Variants in PDE4A observed in about 807,000 individuals in gnomAD.
PDE4A encodes the protein phosphodiesterase 4A.
Under a neutral mutation model 73.9 loss-of-function variants are expected in PDE4A, and 21 were observed. The observed-to-expected ratio is 0.28, with a 90% CI of 0.20 to 0.41. The LOEUF (loss-of-function observed/expected upper bound fraction) is 0.41, where lower values mean the gene tolerates loss of function less well. PDE4A is among the 10% of genes least tolerant of loss of function. The pLI, the probability that PDE4A is intolerant of heterozygous loss-of-function variation, is 1.00. For missense variants in PDE4A, 958 were observed against 1,211.4 expected (o/e 0.79, Z 3.10); for synonymous variants, 463 against 505.4 (o/e 0.92, Z 1.13).
intron 1 of PDE4A, among the ~76,000 whole-genome samples, chr19:10,444,887 G>A (rs562552636): frequency 4.6e-5 from 7 of 152,080 alleles, no homozygotes; most frequent in Non-Finnish European, 8.8e-5. Context: ...TGGCCAGGCT[G>A]GTAGAGAACT....
intron 11 of PDE4A, 123 bp from the exon 12 acceptor site, chr19:10,461,403 G>A: frequency 1.3e-6 from 2 of 1,524,494 alleles, no homozygotes; most frequent in Non-Finnish European, 1.7e-6. Context: ...GGGTAGAGCT[G>A]ACTGGGCTGG....
chr19:10,435,719 T>C (rs1250972342), intron 1 of PDE4A, among the ~76,000 whole-genome samples: 1 of 152,176 alleles, frequency 6.6e-6, no homozygotes, highest in Non-Finnish European at 1.5e-5. Flanking sequence ...TGTGTCTGGG[T>C]TGCAACCTTG....
At chr19:10,465,467 AC>A (rs2043350698) in intron 14 of PDE4A, among the ~76,000 whole-genome samples, 1 of 149,838 alleles carries the variant, frequency 6.7e-6, no homozygotes, top group Non-Finnish European at 1.5e-5. Context: ...TGATCCGCCC[AC>A]CTCGGCCTCC....
Position 10,459,801 on chromosome 19 carries a change from G to C in PDE4A, c.1365+42G>C, listed in dbSNP as rs111366650. The C allele has an allele frequency of 6.1e-3, 9,535 of 1,563,428 alleles. 501 individuals carry two copies. The African/African-American group carries it at 0.12, about 19-fold the overall frequency. On this transcript the variant is annotated intron_variant, in intron 10 of 14. Coordinates refer to ENST00000380702, the MANE Select transcript of PDE4A (RefSeq NM_001111307.2). Reference sequence around the variant, plus strand: ...TGAGTGACCGTCCCCATCTCTCTTTGTGACTGCCTCTTCAGCCTCCTGTGT... The same window carrying C: ...TGAGTGACCGTCCCCATCTCTCTTTCTGACTGCCTCTTCAGCCTCCTGTGT...
intron 10 of PDE4A, 188 bp from the exon 11 acceptor site, chr19:10,460,816 A>T: frequency 4.5e-5 from 8 of 179,768 alleles, no homozygotes; most frequent in Non-Finnish European, 8.4e-5. Context: ...AAAAAAAAAA[A>T]GAAAGAAAAT....
rs571662261 is a variant in PDE4A at position 10,426,415 on chromosome 19, T to C, written c.320+5331T>C. ...TAAAACAATGAGATTCTTTTTTTTT[T>C]CCCTCTCATTAGCTATTGTTAGTGT... On this transcript the variant is annotated intron_variant, in intron 1 of 14. Transcript: ENST00000380702. Among the ~76,000 whole-genome samples, 104 of 151,464 alleles carry C rather than the reference T, an allele frequency of 6.9e-4. No individual in the cohort carries two copies. The Middle Eastern group carries it at 0.01, about 15-fold the overall frequency.
At chr19:10,459,549 G>C (rs200613062) in intron 9 of PDE4A, 46 bp from the exon 10 acceptor site, 1 of 1,611,022 alleles carries the variant, frequency 6.2e-7, no homozygotes, top group Non-Finnish European at 8.5e-7. Context: ...ATAGCGGGGC[G>C]CTGGAGGCCG....
chr19:10,417,163 C>A (rs528006763), upstream of PDE4A: 3 of 981,728 alleles, frequency 3.1e-6, no homozygotes, highest in African/African-American at 5.2e-5. Context: ...TCTCCTGCTG[C>A]CCTAAGAGGC....
chr19:10,446,218 C>T lies in PDE4A; in HGVS notation c.321C>T (p.Arg107=). The change falls in exon 2 of 15, where the codon CGC becomes CGT. Residue 107 remains arginine, a splice_region_variant and synonymous_variant. Coordinates refer to ENST00000380702, the MANE Select transcript of PDE4A (RefSeq NM_001111307.2). ...SGGAGGGSSR[R]FEAENGPTPS... ...CCCTCTTCTCGCCCATCCCCTGCAG[C>T]TTCGAGGCAGAGAATGGGCCGACAC... 6.4e-7 allele frequency: 1 copy of T among 1,563,358 alleles called. No homozygotes were observed. The highest frequency in any genetic ancestry group is 8.7e-7 in the Non-Finnish European group (1 of 1,153,914).
In PDE4A at chr19:10,447,224, T is replaced by C. The variant is rs1396153393; in HGVS notation, c.512+815T>C. ...CTCAGTTCCTTTTTTTCTCTTTTTT[T>C]TTTTTTTTTTTTTTTTTTTGAGACA... On this transcript the variant is annotated intron_variant, in intron 2 of 14. Transcript: ENST00000380702. Among the ~76,000 whole-genome samples, 3 of 110,390 alleles carry C rather than the reference T, an allele frequency of 2.7e-5. No individual in the cohort carries two copies. The East Asian group carries it at 1.0e-3, about 38-fold the overall frequency. 72.4% of individuals were successfully genotyped at this position (110,390 alleles called of 152,430 possible). A position where few individuals can be genotyped will look rare whatever the true frequency, so the allele number is the denominator to read the frequency against.
chr19:10,443,227 GA>G (rs1194061710), intron 1 of PDE4A, among the ~76,000 whole-genome samples: 2 of 152,008 alleles, frequency 1.3e-5, no homozygotes, highest in Non-Finnish European at 2.9e-5. Flanking sequence ...TTTGTATCCA[GA>G]ATATATAATG....
intron 1 of PDE4A, chr19:10,432,389 C>T: frequency 7.4e-7 from 1 of 1,351,674 alleles, no homozygotes; most frequent in Non-Finnish European, 9.5e-7. Context: ...GCCACACCGC[C>T]CTGCCGCCGT....
Position 10,420,734 on chromosome 19 carries a change from G to T in PDE4A, c.-31G>T. 6.6e-7 allele frequency: 1 copy of T among 1,507,088 alleles called. No individual in the cohort carries two copies. Among genetic ancestry groups the T allele is most frequent in the Non-Finnish European group, 8.8e-7 (1 of 1,140,368 alleles). 93.4% of individuals were successfully genotyped at this position (1,507,088 alleles called of 1,614,324 possible). A position where few individuals can be genotyped will look rare whatever the true frequency, so the allele number is the denominator to read the frequency against. On this transcript the variant is annotated 5_prime_UTR_variant, in exon 1 of 15. Transcript: ENST00000380702. The surrounding 1 kb of genome is among the most constrained non-coding windows in gnomAD (Gnocchi z 6.0). Reference sequence around the variant, plus strand: ...CGGGGTGTAGGTTGGAAGGGCCAGGGCCCCCTGGGGCGCAAGTGGGGGCCG... The same window carrying T: ...CGGGGTGTAGGTTGGAAGGGCCAGGTCCCCCTGGGGCGCAAGTGGGGGCCG...
At chr19:10,430,950 C>T in intron 1 of PDE4A, 2 of 1,529,362 alleles carry the variant, frequency 1.3e-6, no homozygotes, top group Non-Finnish European at 8.7e-7. Flanking sequence ...GCCCCTGGCC[C>T]CGCGCGCGCC....
chr19:10,451,436 G>T (rs1488333614), intron 6 of PDE4A, among the ~76,000 whole-genome samples: 3 of 152,126 alleles, frequency 2.0e-5, no homozygotes, highest in Admixed American at 6.6e-5. Flanking sequence ...GTCTGCGGGG[G>T]TGTATCTGCG....
At chr19:10,463,758 C>T (rs748566926) in intron 13 of PDE4A, 35 bp from the exon 14 acceptor site, 3 of 1,611,488 alleles carry the variant, frequency 1.9e-6, no homozygotes, top group Non-Finnish European at 2.5e-6. Flanking sequence ...CAGGCATAGC[C>T]TCTGAAGTTT....
At chr19:10,430,062 G>A (rs994209337) in intron 1 of PDE4A, among the ~76,000 whole-genome samples, 1 of 151,774 alleles carries the variant, frequency 6.6e-6, no homozygotes, top group East Asian at 1.9e-4. Flanking sequence ...ACTGAGGGAG[G>A]GTCTATGCAT....
Position 10,458,029 on chromosome 19 carries a change from A to G in PDE4A, c.1028A>G (p.His343Arg). The G allele has an allele frequency of 6.2e-7, 1 of 1,613,922 alleles. No homozygotes were observed. Among genetic ancestry groups the G allele is most frequent in the Non-Finnish European group, 8.5e-7 (1 of 1,180,016 alleles). ...ATCACAGGGTTGAAAAAGTTGATGCATAGTAACAGCCTGAACAACTCTAAC... is the reference window on the plus strand; with the variant it reads ...ATCACAGGGTTGAAAAAGTTGATGCGTAGTAACAGCCTGAACAACTCTAAC... ...SQITGLKKLMHSNSLNNSNIP... is the reference protein window; with the variant it reads ...SQITGLKKLMRSNSLNNSNIP... The change falls in exon 8 of 15, where the codon CAT becomes CGT. Residue 343 changes from histidine to arginine, a missense_variant. Physicochemically the swap from His to Arg is conservative, Grantham distance 29. Coordinates refer to ENST00000380702, the MANE Select transcript of PDE4A (RefSeq NM_001111307.2). The surrounding 1 kb of genome is among the most constrained non-coding windows in gnomAD (Gnocchi z 4.6).
At chr19:10,448,877 T>G in intron 2 of PDE4A, 40 bp from the exon 3 acceptor site, 2 of 1,612,742 alleles carry the variant, frequency 1.2e-6, no homozygotes, top group Non-Finnish European at 8.5e-7. Context: ...GACAGTTGCT[T>G]CTCTGCGGAC....
Sources: allele counts gnomAD v4.1 joint callset (sites outside exome capture counted in the v4.1 genomes callset), GRCh38; gene constraint gnomAD v4.1.1; non-coding constraint Gnocchi (gnomAD v3.1); transcripts MANE v1.5; gene names NCBI Gene and HGNC (gene_info 2026-07-23, HGNC 2026-07-21).